Variants in OPLAH observed in about 807,000 individuals in gnomAD.
The protein encoded by OPLAH is 5-oxoprolinase.
In OPLAH, 103 loss-of-function variants were observed where a neutral mutation model predicts 122.8. That is an observed-to-expected ratio of 0.84 (90% CI 0.71 to 0.99). The LOEUF is 0.99. Among genes scored for constraint, OPLAH ranks in the 50% least tolerant of loss-of-function variants. The pLI is 0.00. For synonymous variants in OPLAH, 875 were observed against 796.0 expected (o/e 1.10, Z -1.67); for missense variants, 1,902 against 1,836.5 (o/e 1.04, Z -0.65).
intron 3 of OPLAH, 148 bp from the exon 4 acceptor site, chr8:144,059,227 T>C: frequency 1.4e-6 from 1 of 699,994 alleles, no homozygotes; most frequent in Non-Finnish European, 2.4e-6. Context: ...CCAGCAAGGC[T>C]CACCAAGGGG....
At position 144,058,774 on chromosome 8, in the gene OPLAH, T is replaced by A; in HGVS notation, c.586A>T (p.Thr196Ser). 4 of 1,600,352 alleles carry A rather than the reference T, an allele frequency of 2.5e-6. No individual in the cohort carries two copies. Among genetic ancestry groups the A allele is most frequent in the Non-Finnish European group, 3.4e-6 (4 of 1,172,152 alleles). Residue 196 changes from threonine (T) to serine (S), a missense_variant and splice_region_variant, in exon 5 of 27, where the codon ACG (threonine) becomes TCG (serine). By Grantham distance (58) the Thr-to-Ser change is moderately conservative. Transcript: ENST00000618853. The part of the protein sequence containing the change: ...SLAVVLMHSY[T>S]WAQHEQQVGV... ...AGCCCACAGCCCCACCTCACTCACG[T>A]GTACGAGTGCATGAGCACCACAGCC... is the stretch of plus-strand genomic sequence containing the variant.
At position 144,052,285 on chromosome 8, in the gene OPLAH, G is replaced by C; in HGVS notation, c.3345C>G (p.Gly1115=). 1 of 1,533,634 alleles carries C rather than the reference G, an allele frequency of 6.5e-7. No homozygotes were observed. The highest frequency in any genetic ancestry group is 8.7e-7 in the Non-Finnish European group (1 of 1,145,082). The change falls in exon 24 of 27, where the codon GGC becomes GGG. Residue 1115 remains glycine (G), a synonymous_variant. Coordinates refer to ENST00000618853, the MANE Select transcript of OPLAH (RefSeq NM_017570.5). ...CGCCGCCCGCCACCGTCTCGTAGTA[G>C]CCCATGTGGGCGTTGCCCAGGGTCA... ...NNVTLGNAHM[G]YYETVAGGAG...
chr8:144,056,357 T>C, intron 14 of OPLAH, 28 bp downstream of exon 14: 1 of 1,596,548 alleles, frequency 6.3e-7, no homozygotes, highest in Admixed American at 1.7e-5. Flanking sequence ...ATGGGTGCTG[T>C]CAGGCTGGCA....
upstream of OPLAH, among the ~76,000 whole-genome samples, chr8:144,062,975 A>C (rs1036722004): frequency 6.8e-6 from 1 of 147,466 alleles, no homozygotes; most frequent in Non-Finnish European, 1.5e-5. Context: ...ACCCCCACCC[A>C]CCCAGGCTCA....
chr8:144,060,100 G>A lies in OPLAH; in HGVS notation c.-53-15C>T. On this transcript the variant is annotated splice_polypyrimidine_tract_variant and intron_variant, in intron 1 of 26. Coordinates refer to ENST00000618853, the MANE Select transcript of OPLAH (RefSeq NM_017570.5). ...CCCTGGAAAAACTGGACGGAGGCGG[G>A]GTCAGCCCGGGCTCACCTGCGAGTG... The A allele has an allele frequency of 5.9e-6, 9 of 1,520,914 alleles. No homozygotes were observed. The highest frequency in any genetic ancestry group is 2.4e-5 in the East Asian group (1 of 41,620). 94.2% of individuals were successfully genotyped at this position (1,520,914 alleles called of 1,614,324 possible). A position where few individuals can be genotyped will look rare whatever the true frequency, so the allele number is the denominator to read the frequency against.
At chr8:144,051,699 G>T in intron 26 of OPLAH, 30 bp downstream of exon 26, 1 of 1,517,118 alleles carries the variant, frequency 6.6e-7, no homozygotes, top group Non-Finnish European at 9.0e-7. Context: ...GAGGGGAGGG[G>T]AGGGGGACAG....
chr8:144,050,715 G>A (rs1443086133), downstream of OPLAH: 1 of 985,460 alleles, frequency 1.0e-6, no homozygotes, highest in Non-Finnish European at 1.2e-6. Context: ...TTAGGGGGAG[G>A]GTATCGGAGC....
In OPLAH at chr8:144,054,691, G is replaced by T. The variant is rs782637092; in HGVS notation, c.2556C>A (p.Ser852Arg). 1 of 1,612,450 alleles carries T rather than the reference G, an allele frequency of 6.2e-7. No individual in the cohort carries two copies. Among genetic ancestry groups the T allele is most frequent in the South Asian group, 1.1e-5 (1 of 91,078 alleles). ...GQTRPVFYVA[S>R]RGHHADIGGI... ...CCCCGATGTCTGCGTGGTGCCCTCG[G>T]CTGGCCACATAGAACACAGGCCGCG... The change falls in exon 19 of 27, where the codon AGC becomes AGA. Residue 852 changes from serine (S) to arginine (R), a missense_variant. Physicochemically the swap from Ser to Arg is moderately radical, Grantham distance 110. Transcript: ENST00000618853.
downstream of OPLAH, chr8:144,050,366 C>T (rs1487237774): frequency 1.0e-6 from 1 of 964,656 alleles, no homozygotes. Context: ...AAGTTTGGGG[C>T]CGAGAAGTTT....
In OPLAH at chr8:144,051,476, T is replaced by A. The variant is rs1835373464; in HGVS notation, c.3721-4A>T. On this transcript the variant is annotated splice_polypyrimidine_tract_variant and splice_region_variant and intron_variant, in intron 26 of 26. Coordinates refer to ENST00000618853, the MANE Select transcript of OPLAH (RefSeq NM_017570.5). ...GCGTGTGGAGACAGAACACATCCTG[T>A]TGGCGCGGGGGGGGGCGGGGAGGCG... 2 of 959,198 alleles carry A rather than the reference T, an allele frequency of 2.1e-6. No homozygotes were observed. Among genetic ancestry groups the A allele is most frequent in the East Asian group, 4.7e-5 (1 of 21,486 alleles). The allele number at this position is 959,198 out of a possible 1,614,324, so 59.4% of individuals were successfully genotyped here.
At position 144,053,001 on chromosome 8, in the gene OPLAH, C is replaced by A; in HGVS notation, c.3000G>T (p.Val1000=). 1 of 1,601,894 alleles carries A rather than the reference C, an allele frequency of 6.2e-7. No homozygotes were observed. Among genetic ancestry groups the A allele is most frequent in the Non-Finnish European group, 8.5e-7 (1 of 1,175,150 alleles). ...MDDGSPIRLR[V]QISLSQGSAV... is the part of the protein sequence containing the mutation. ...GGCCCACCTGACTCAGGCTGATCTG[C>A]ACACGGAGGCGGATGGGGGAACCGT... is the stretch of plus-strand genomic sequence containing the variant. Residue 1000 remains valine (V), a synonymous_variant, in exon 21 of 27, where the codon GTG becomes GTT. Coordinates refer to ENST00000618853, the MANE Select transcript of OPLAH (RefSeq NM_017570.5).
rs1554758526 is a variant in OPLAH, at chr8:144,054,735, C to T, written c.2512G>A (p.Val838Met). 6.2e-7 allele frequency: 1 copy of T among 1,612,254 alleles called. No individual in the cohort carries two copies. The highest frequency in any genetic ancestry group is 1.3e-5 in the African/African-American group (1 of 75,016). Residue 838 changes from valine to methionine, a missense_variant and splice_region_variant, in exon 19 of 27, where the codon GTG (valine) becomes ATG (methionine). Around this residue, in one of 3 missense-constraint regions of OPLAH, gnomAD observed 1,726 missense variants for 1,642.1 expected, o/e 1.05. Transcript: ENST00000618853. ...GGCCGCGTCTGACCCGGCCAAAACA[C>T]CTAGCGGGTGGAGAGCCACGGTCAG... ...HLPDLTVITP[V>M]FWPGQTRPVF... is the part of the protein sequence containing the mutation.
intron 26 of OPLAH, 46 bp from the exon 27 acceptor site, chr8:144,051,518 G>C: frequency 7.1e-7 from 1 of 1,412,884 alleles, no homozygotes; most frequent in Non-Finnish European, 9.4e-7. Context: ...GTGCAGGCGT[G>C]GCCCCTCCCT....
rs781819330 is a variant in OPLAH at position 144,059,897 on chromosome 8, C to A, written c.136G>T (p.Ala46Ser). The change falls in exon 2 of 27, where the codon GCG (alanine) becomes TCG (serine). Residue 46 changes from alanine (A) to serine (S), a missense_variant. Ala to Ser is a moderately conservative substitution (Grantham distance 99). This residue lies in a region of OPLAH where 168 missense variants were observed against 170.6 expected (regional missense o/e 0.98). Transcript: ENST00000618853. ...ATGCGGCGGATGCCTTCGGTTGGCG[C>A]GTCCGCATAGTTGGCAGGGTCCTCT... is the stretch of plus-strand genomic sequence containing the variant. Reference protein sequence around the residue: ...LSEDPANYADAPTEGIRRILE... With the variant: ...LSEDPANYADSPTEGIRRILE... 3 of 1,612,784 alleles carry A rather than the reference C, an allele frequency of 1.9e-6. No individual in the cohort carries two copies. Among genetic ancestry groups the A allele is most frequent in the Non-Finnish European group, 2.5e-6 (3 of 1,179,828 alleles).
Position 144,055,851 on chromosome 8 carries a change from C to G in OPLAH, c.2185G>C (p.Val729Leu). The G allele has an allele frequency of 1.3e-6, 2 of 1,577,160 alleles. No homozygotes were observed. Among genetic ancestry groups the G allele is most frequent in the Non-Finnish European group, 1.7e-6 (2 of 1,162,106 alleles). ...ISVGAEVPGT[V>L]GPQLDPIQLS... ...TGGATAGGGTCCAGCTGGGGGCCCA[C>G]TGTGCCGGGGACTTCGGCCCCCACG... Residue 729 changes from valine to leucine, a missense_variant, in exon 16 of 27, where the codon GTG becomes CTG. Val to Leu is a conservative substitution (Grantham distance 32, BLOSUM62 1). Transcript: ENST00000618853. This position sits in a 1 kb window ranked among gnomAD's most constrained non-coding sequence, Gnocchi z 6.5.
rs960314312 is a variant in OPLAH, at chr8:144,051,917, G to C, written c.3621C>G (p.His1207Gln). ...ERRAFRPYGL[H>Q]GGEPGARGLN... ...CGCGAGGGCTGGGGAACCGCGCACCGTGGAGCCCGTATGGCCGGAAGGCGC... is the reference window on the plus strand; with the variant it reads ...CGCGAGGGCTGGGGAACCGCGCACCCTGGAGCCCGTATGGCCGGAAGGCGC... Residue 1207 changes from histidine (H) to glutamine (Q), a missense_variant and splice_region_variant, in exon 25 of 27, where the codon CAC (histidine) becomes CAG (glutamine). Physicochemically the swap from His to Gln is conservative, Grantham distance 24. This residue lies in a region of OPLAH where 1,726 missense variants were observed against 1,642.1 expected (regional missense o/e 1.05). Transcript: ENST00000618853. The C allele has an allele frequency of 2.1e-5, 32 of 1,532,692 alleles. No individual in the cohort carries two copies. Among genetic ancestry groups the C allele is most frequent in the African/African-American group, 1.4e-4 (10 of 72,888 alleles). 94.9% of individuals were successfully genotyped at this position (1,532,692 alleles called of 1,614,324 possible). A position where few individuals can be genotyped will look rare whatever the true frequency, so the allele number is the denominator to read the frequency against.
chr8:144,056,312 C>A, intron 14 of OPLAH, 53 bp from the exon 15 acceptor site: 6 of 1,595,682 alleles, frequency 3.8e-6, no homozygotes, highest in Non-Finnish European at 5.1e-6. Flanking sequence ...CTCCCCGATG[C>A]CTCTCACAGG....
In OPLAH at chr8:144,051,822, GC is replaced by G. The variant is rs782530407; in HGVS notation, c.3626del (p.Gly1209AlafsTer8). Reference sequence around the variant, plus strand: ...GGTTTAGGCCGCGGGCGCCAGGCTCGCCCCCTGCGGAGGGAGGCGAGGAGTC... The same window carrying G: ...GGTTTAGGCCGCGGGCGCCAGGCTCGCCCCTGCGGAGGGAGGCGAGGAGTC... ...RAFRPYGLHG[G>X]EPGARGLNLL... On this transcript the variant is annotated frameshift_variant, in exon 26 of 27. Transcript: ENST00000618853. LOFTEE classifies it high-confidence loss of function. 8.2e-6 allele frequency: 11 copies of G among 1,345,960 alleles called. No homozygotes were observed. The highest frequency in any genetic ancestry group is 8.8e-6 in the Non-Finnish European group (9 of 1,023,534). 83.4% of individuals were successfully genotyped at this position (1,345,960 alleles called of 1,614,324 possible).
chr8:144,051,491 GCGGGGA>G lies in OPLAH; in HGVS notation c.3721-25_3721-20del. ...ACACATCCTGTTGGCGCGGGGGGGGGCGGGGAGGCGGGCTCAGTGCAGGCGTGGCCC... is the reference window on the plus strand; with the variant it reads ...ACACATCCTGTTGGCGCGGGGGGGGGGGCGGGCTCAGTGCAGGCGTGGCCC... On this transcript the variant is annotated intron_variant, in intron 26 of 26. Transcript: ENST00000618853. The G allele has an allele frequency of 7.2e-7, 1 of 1,381,856 alleles. No individual in the cohort carries two copies. 85.6% of individuals were successfully genotyped at this position (1,381,856 alleles called of 1,614,324 possible).
Sources: allele counts gnomAD v4.1 joint callset (sites outside exome capture counted in the v4.1 genomes callset), GRCh38; gene constraint gnomAD v4.1.1; regional missense constraint gnomAD v4.1.1; non-coding constraint Gnocchi (gnomAD v3.1); transcripts MANE v1.5; gene names NCBI Gene and HGNC (gene_info 2026-07-23, HGNC 2026-07-21).